The following IRS1 variants were observed in gnomAD, a reference collection of about 807,000 sequenced individuals.
IRS1 encodes insulin receptor substrate 1.
In IRS1, 34 loss-of-function variants were observed where a neutral mutation model predicts 65.6. That is an observed-to-expected ratio of 0.52 (90% CI 0.39 to 0.69). The LOEUF (loss-of-function observed/expected upper bound fraction) is 0.69, where lower values mean the gene tolerates loss of function less well. Ranked by LOEUF, IRS1 falls within the 30% of genes least tolerant of loss-of-function variation. IRS1 has a pLI of 0.00. For synonymous variants in IRS1, 699 were observed against 683.5 expected, an observed-to-expected ratio of 1.02 and a Z score of -0.35; for missense variants, 1,641 against 1,720.2, an observed-to-expected ratio of 0.95 and a Z score of 0.81.
At chr2:226,788,652 A>C (rs190142823) in intron 1 of IRS1, among the ~76,000 whole-genome samples, 292 of 152,300 alleles carry the variant, frequency 1.9e-3, no homozygotes, top group African/African-American at 6.8e-3. Context: ...CCAAAGTATA[A>C]GACAAAAATA....
rs3731594 is a variant in IRS1, at chr2:226,795,330, C to T, written c.3409G>A (p.Asp1137Asn). ...GGGGSSSSSE[D>N]VKRHSSASFE... Reference sequence around the variant, plus strand: ...GAAGCAGAGCTGTGGCGTTTCACATCCTCGCTGCTGCTGCTGCTACCGCCA... The same window carrying T: ...GAAGCAGAGCTGTGGCGTTTCACATTCTCGCTGCTGCTGCTGCTACCGCCA... The change falls in exon 1 of 2, where the codon GAT becomes AAT. Residue 1137 changes from aspartate (D) to asparagine (N), a missense_variant. Physicochemically the swap from Asp to Asn is conservative, Grantham distance 23. Transcript: ENST00000305123. The T allele has an allele frequency of 1.7e-3, 2,663 of 1,613,520 alleles. 78 individuals carry two copies. The East Asian group carries it at 0.054, about 33-fold the overall frequency.
intron 1 of IRS1, among the ~76,000 whole-genome samples, chr2:226,765,166 G>A (rs1390078171): frequency 6.6e-6 from 1 of 152,066 alleles, no homozygotes; most frequent in Admixed American, 6.6e-5. Flanking sequence ...CAAACTCCTG[G>A]GCTCAACCAA....
chr2:226,782,856 C>A (rs1031309058), intron 1 of IRS1, among the ~76,000 whole-genome samples: 1 of 152,128 alleles, frequency 6.6e-6, no homozygotes, highest in Admixed American at 6.5e-5. Flanking sequence ...CAAAAATTAG[C>A]CTGGCATGGT....
chr2:226,787,286 G>A (rs935597143), intron 1 of IRS1, among the ~76,000 whole-genome samples: 29 of 152,128 alleles, frequency 1.9e-4, no homozygotes, highest in Admixed American at 1.9e-3. Flanking sequence ...TGATTATTTA[G>A]TATGCTGATG....
intron 1 of IRS1, among the ~76,000 whole-genome samples, chr2:226,751,109 T>C (rs2106162537): frequency 6.6e-6 from 1 of 152,192 alleles, no homozygotes. Context: ...AATTAAAACA[T>C]GAAGGAAATT....
intron 1 of IRS1, among the ~76,000 whole-genome samples, chr2:226,736,565 T>C (rs547285168): frequency 1.3e-5 from 2 of 152,324 alleles, no homozygotes; most frequent in East Asian, 3.9e-4. Context: ...AGCAAAAACA[T>C]ACATCATTAG....
At chr2:226,768,741 A>G (rs1404400940) in intron 1 of IRS1, among the ~76,000 whole-genome samples, 1 of 152,076 alleles carries the variant, frequency 6.6e-6, no homozygotes, top group East Asian at 1.9e-4. Context: ...GGCTCAAGCA[A>G]TTCTCCTGCC....
intron 1 of IRS1, among the ~76,000 whole-genome samples, chr2:226,755,137 T>C (rs1429684656): frequency 1.3e-5 from 2 of 152,224 alleles, no homozygotes; most frequent in Non-Finnish European, 2.9e-5. Context: ...GGTCCTTCCA[T>C]CCTTTTTTAG....
At position 226,798,772 on chromosome 2, in the gene IRS1, G is replaced by C. The variant is rs1939819207; in HGVS notation, c.-34C>G. On this transcript the variant is annotated 5_prime_UTR_variant, in exon 1 of 2. Coordinates refer to ENST00000305123, the MANE Select transcript of IRS1 (RefSeq NM_005544.3). The surrounding 1 kb of genome is among the most constrained non-coding windows in gnomAD (Gnocchi z 9.4). ...CGCCACCACCAACGCTGAGCAGAGGGAGGCTCCGAAAAACAACCGGGTGGG... is the reference window on the plus strand; with the variant it reads ...CGCCACCACCAACGCTGAGCAGAGGCAGGCTCCGAAAAACAACCGGGTGGG... 3 of 1,594,574 alleles carry C rather than the reference G, an allele frequency of 1.9e-6. No homozygotes were observed. Among genetic ancestry groups the C allele is most frequent in the Non-Finnish European group, 2.6e-6 (3 of 1,171,272 alleles).
At position 226,795,456 on chromosome 2, in the gene IRS1, A is replaced by C; in HGVS notation, c.3283T>G (p.Cys1095Gly). 1 of 1,613,424 alleles carries C rather than the reference A, an allele frequency of 6.2e-7. No homozygotes were observed. The highest frequency in any genetic ancestry group is 8.5e-7 in the Non-Finnish European group (1 of 1,179,986). The change falls in exon 1 of 2, where the codon TGC (cysteine) becomes GGC (glycine). Residue 1095 changes from cysteine to glycine, a missense_variant. Cys to Gly is a radical substitution (Grantham distance 159). Around this residue, in one of 3 missense-constraint regions of IRS1, gnomAD observed 1,324 missense variants for 1,361.0 expected, o/e 0.97. Transcript: ENST00000305123. ...GTCTCGGAGCTATGCCTCCGCCGGC[A>C]CCCTTGTGGGTCTGCACGGATCACT... ...AKVIRADPQG[C>G]RRRHSSETFS...
chr2:226,773,090 G>A (rs1046556205), intron 1 of IRS1, among the ~76,000 whole-genome samples: 3 of 152,198 alleles, frequency 2.0e-5, no homozygotes, highest in Non-Finnish European at 4.4e-5. Context: ...GAATACCGTA[G>A]AGGTCTGTAG....
Position 226,797,839 on chromosome 2 carries a change from G to T in IRS1, c.900C>A (p.Thr300=). Residue 300 remains threonine (T), a synonymous_variant, in exon 1 of 2, where the codon ACC becomes ACA. Transcript: ENST00000305123. This position sits in a 1 kb window ranked among gnomAD's most constrained non-coding sequence, Gnocchi z 8.1. ...TGATGCTCTCAGTGCGTGATCGGCG[G>T]GTCAGCCCCACCTGGCTGGGCGGGG... ...NNPPPSQVGL[T]RRSRTESITA... is the part of the protein sequence containing the mutation. 6.2e-7 allele frequency: 1 copy of T among 1,601,044 alleles called. No homozygotes were observed. The highest frequency in any genetic ancestry group is 1.3e-5 in the African/African-American group (1 of 74,952).
In IRS1 at chr2:226,794,872, T is replaced by G. The variant is rs906183072; in HGVS notation, c.*21+117A>C. The G allele has an allele frequency of 1.1e-6, 1 of 903,150 alleles. No individual in the cohort carries two copies. 55.9% of individuals were successfully genotyped at this position (903,150 alleles called of 1,614,324 possible). A position where few individuals can be genotyped will look rare whatever the true frequency, so the allele number is the denominator to read the frequency against. Reference sequence around the variant, plus strand: ...ATCTTGTGTGCCCTGAGAATGTAAGTGCATTCTCCCTGAGGAAGCAGTGGG... The same window carrying G: ...ATCTTGTGTGCCCTGAGAATGTAAGGGCATTCTCCCTGAGGAAGCAGTGGG... On this transcript the variant is annotated intron_variant, in intron 1 of 1. Transcript: ENST00000305123. This position sits in a 1 kb window ranked among gnomAD's most constrained non-coding sequence, Gnocchi z 4.1.
At position 226,768,506 on chromosome 2, in the gene IRS1, C is replaced by T. The variant is rs181098801; in HGVS notation, c.*21+26483G>A. Among the ~76,000 whole-genome samples, 3 of 152,100 alleles carry T rather than the reference C, an allele frequency of 2.0e-5. No individual in the cohort carries two copies. The East Asian group carries it at 5.8e-4, about 29-fold the overall frequency. On this transcript the variant is annotated intron_variant, in intron 1 of 1. Transcript: ENST00000305123. The stretch of plus-strand genomic sequence containing the variant: ...TAATCATCAATAAGACTAAAATAAA[C>T]CAAACCAAAGCCAAAGGGCTAATCA...
intron 1 of IRS1, among the ~76,000 whole-genome samples, chr2:226,764,273 G>A (rs1938982326): frequency 6.6e-6 from 1 of 152,290 alleles, no homozygotes; most frequent in Middle Eastern, 3.4e-3. Flanking sequence ...GCCAGGAACA[G>A]TGGCTCATAT....
At chr2:226,782,901 A>G (rs968571214) in intron 1 of IRS1, among the ~76,000 whole-genome samples, 1 of 152,176 alleles carries the variant, frequency 6.6e-6, no homozygotes, top group African/African-American at 2.4e-5. Context: ...CTCAGGTGCT[A>G]AGGTAGGAGA....
intron 1 of IRS1, among the ~76,000 whole-genome samples, chr2:226,743,871 A>T (rs1356402720): frequency 6.6e-6 from 1 of 152,210 alleles, no homozygotes. Flanking sequence ...TTGTGTGCAA[A>T]ACTGTTTCTA....
In IRS1 at chr2:226,799,143, C is replaced by T. The variant is rs951711800; in HGVS notation, c.-405G>A. On this transcript the variant is annotated 5_prime_UTR_variant, in exon 1 of 2. Coordinates refer to ENST00000305123, the MANE Select transcript of IRS1 (RefSeq NM_005544.3). This position sits in a 1 kb window ranked among gnomAD's most constrained non-coding sequence, Gnocchi z 6.1. ...TCCCTGCGGTGCCCCTCCAGGAGCG[C>T]GCGCGCGCGCGCGCCTTCCCTCCTG... 74 of 1,081,350 alleles carry T rather than the reference C, an allele frequency of 6.8e-5. No homozygotes were observed. The highest frequency in any genetic ancestry group is 7.9e-5 in the Non-Finnish European group (69 of 874,726). 67.0% of individuals were successfully genotyped at this position (1,081,350 alleles called of 1,614,324 possible). A position where few individuals can be genotyped will look rare whatever the true frequency, so the allele number is the denominator to read the frequency against.
intron 1 of IRS1, among the ~76,000 whole-genome samples, chr2:226,769,428 A>G (rs1241738323): frequency 6.6e-6 from 1 of 152,166 alleles, no homozygotes; most frequent in Non-Finnish European, 1.5e-5. Context: ...TCAGAAAGCA[A>G]TTAGATCTAT....
Sources: allele counts gnomAD v4.1 joint callset (sites outside exome capture counted in the v4.1 genomes callset), GRCh38; gene constraint gnomAD v4.1.1; regional missense constraint gnomAD v4.1.1; non-coding constraint Gnocchi (gnomAD v3.1); transcripts MANE v1.5; gene names NCBI Gene and HGNC (gene_info 2026-07-23, HGNC 2026-07-21).